RC3H1: variants seen among roughly 807,000 people sequenced by gnomAD.
RC3H1 encodes the protein roquin-1.
In RC3H1, 50 loss-of-function variants were observed where a neutral mutation model predicts 138.2. The ratio of observed to expected loss-of-function variants is 0.36; its 90% confidence interval spans 0.29 to 0.46. RC3H1 has a LOEUF of 0.46. Ranked by LOEUF, RC3H1 falls within the 20% of genes least tolerant of loss-of-function variation. The pLI, the probability that RC3H1 is intolerant of heterozygous loss-of-function variation, is 1.00. For synonymous variants in RC3H1, 462 were observed against 489.1 expected, an observed-to-expected ratio of 0.94 and a Z score of 0.73; for missense variants, 1,031 against 1,388.1, an observed-to-expected ratio of 0.74 and a Z score of 4.09.
rs1658390472 is a variant in RC3H1 at position 173,931,820 on chromosome 1, C to T, written c.*6901G>A. ...CATTCCAACCTATTTGTCTTCACTT[C>T]TCTTTTTAAAGTTGGAAACACTTGG... On this transcript the variant is annotated 3_prime_UTR_variant, in exon 20 of 20. Coordinates refer to ENST00000367696, the MANE Select transcript of RC3H1 (RefSeq NM_172071.4). 6.6e-6 allele frequency: 1 copy of T among 152,074 alleles called. No homozygotes were observed. The highest frequency in any genetic ancestry group is 2.1e-4 in the South Asian group (1 of 4,832). 9.4% of individuals were successfully genotyped at this position (152,074 alleles called of 1,614,324 possible).
chr1:173,993,006 A>G lies in RC3H1; in HGVS notation c.-21T>C. On this transcript the variant is annotated 5_prime_UTR_variant, in exon 2 of 20. Transcript: ENST00000367696. ...GGCATTGCTTCTGGAGTTACAATTCACGAACACAAACACACACACAAATCT... is the reference window on the plus strand; with the variant it reads ...GGCATTGCTTCTGGAGTTACAATTCGCGAACACAAACACACACACAAATCT... 22 of 1,500,738 alleles carry G rather than the reference A, an allele frequency of 1.5e-5. No homozygotes were observed. The highest frequency in any genetic ancestry group is 2.0e-5 in the Non-Finnish European group (22 of 1,077,330). 93.0% of individuals were successfully genotyped at this position (1,500,738 alleles called of 1,614,324 possible). A position where few individuals can be genotyped will look rare whatever the true frequency, so the allele number is the denominator to read the frequency against.
At position 173,932,414 on chromosome 1, in the gene RC3H1, T is replaced by C. The variant is rs1184874541; in HGVS notation, c.*6307A>G. On this transcript the variant is annotated 3_prime_UTR_variant, in exon 20 of 20. Coordinates refer to ENST00000367696, the MANE Select transcript of RC3H1 (RefSeq NM_172071.4). ...GAAGAGGAATCTCAAAACTGGAAAA[T>C]GTTTAAGTGGGTGAAAGGTTTTGTT... is the stretch of plus-strand genomic sequence containing the variant. 6.6e-6 allele frequency: 1 copy of C among 151,872 alleles called. No homozygotes were observed. The highest frequency in any genetic ancestry group is 6.6e-5 in the Admixed American group (1 of 15,252). 9.4% of individuals were successfully genotyped at this position (151,872 alleles called of 1,614,324 possible).
chr1:173,973,936 G>C (rs1660467374), intron 7 of RC3H1, among the ~76,000 whole-genome samples: 1 of 152,168 alleles, frequency 6.6e-6, no homozygotes, highest in Non-Finnish European at 1.5e-5. Context: ...AAGGAGAAGA[G>C]CCAGATAATA....
chr1:173,993,223 C>A, intron 1 of RC3H1, 88 bp from the exon 2 acceptor site: 1 of 495,556 alleles, frequency 2.0e-6, no homozygotes, highest in Non-Finnish European at 3.6e-6. Context: ...TCTTATTCCA[C>A]AACTTTTTAT....
intron 19 of RC3H1, 82 bp from the exon 20 acceptor site, chr1:173,938,953 A>T: frequency 9.6e-7 from 1 of 1,047,092 alleles, no homozygotes; most frequent in East Asian, 2.7e-5. Context: ...ATAATTTAGC[A>T]TGATTGAAAA....
At chr1:173,968,199 T>C (rs1660203965) in intron 9 of RC3H1, among the ~76,000 whole-genome samples, 1 of 152,198 alleles carries the variant, frequency 6.6e-6, no homozygotes, top group Non-Finnish European at 1.5e-5. Flanking sequence ...GGTAAATAGT[T>C]ATTAGTCTAG....
At chr1:173,982,531 T>C (rs1235911674) in intron 5 of RC3H1, among the ~76,000 whole-genome samples, 196 bp downstream of exon 5, 2 of 152,166 alleles carry the variant, frequency 1.3e-5, no homozygotes, top group Admixed American at 6.6e-5. Flanking sequence ...TTGTTCAATA[T>C]TGAACATACA....
chr1:174,001,844 C>CTA (rs1254311684), intron 1 of RC3H1, among the ~76,000 whole-genome samples: 1 of 152,124 alleles, frequency 6.6e-6, no homozygotes, highest in Non-Finnish European at 1.5e-5. Flanking sequence ...ATTACATATA[C>CTA]TATACTATCA....
At chr1:174,013,622 A>G (rs1180254665) in intron 1 of RC3H1, among the ~76,000 whole-genome samples, 2 of 151,884 alleles carry the variant, frequency 1.3e-5, no homozygotes, top group Admixed American at 1.3e-4. Flanking sequence ...TTGTATTTTT[A>G]GTAGAGACAG....
rs199866592 is a variant in RC3H1, at chr1:173,964,914, G to A, written c.1541C>T (p.Pro514Leu). Residue 514 changes from proline (P) to leucine (L), a missense_variant, in exon 10 of 20, where the codon CCC becomes CTC. By Grantham distance (98) the Pro-to-Leu change is moderately conservative. Transcript: ENST00000367696. ...VTQLIPRGTD[P>L]SYDSSLKPGK... ...TGGTTTCAGACTAGAATCATAGCTGGGGTCTGTCCCTCGCGGAATAAGCTG... is the reference window on the plus strand; with the variant it reads ...TGGTTTCAGACTAGAATCATAGCTGAGGTCTGTCCCTCGCGGAATAAGCTG... 6.2e-7 allele frequency: 1 copy of A among 1,614,094 alleles called. No homozygotes were observed. Among genetic ancestry groups the A allele is most frequent in the East Asian group, 2.2e-5 (1 of 44,882 alleles).
intron 1 of RC3H1, among the ~76,000 whole-genome samples, chr1:174,006,566 A>G (rs529100737): frequency 6.6e-6 from 1 of 152,210 alleles, no homozygotes; most frequent in African/African-American, 2.4e-5. Context: ...CATGCCTTCC[A>G]ACTTTGAGCA....
In RC3H1 at chr1:173,934,755, T is replaced by C. The variant is rs937180718; in HGVS notation, c.*3966A>G. On this transcript the variant is annotated 3_prime_UTR_variant, in exon 20 of 20. Coordinates refer to ENST00000367696, the MANE Select transcript of RC3H1 (RefSeq NM_172071.4). ...TGCTCTGTTTTGAGGCAGCAAACTG[T>C]CACTGTTGCAGATTGGGGAGGGCAG... 6.6e-6 allele frequency: 1 copy of C among 152,078 alleles called. No homozygotes were observed. Among genetic ancestry groups the C allele is most frequent in the Non-Finnish European group, 1.5e-5 (1 of 68,012 alleles). 9.4% of individuals were successfully genotyped at this position (152,078 alleles called of 1,614,324 possible).
At chr1:173,956,397 T>C (rs1156414346) in intron 13 of RC3H1, among the ~76,000 whole-genome samples, 1 of 152,054 alleles carries the variant, frequency 6.6e-6, no homozygotes, top group Non-Finnish European at 1.5e-5. Flanking sequence ...ATATTGTATA[T>C]ATGTATTGAA....
In RC3H1 at chr1:173,962,027, G is replaced by A. The variant is rs1424682303; in HGVS notation, c.1900C>T (p.Pro634Ser). Residue 634 changes from proline to serine, a missense_variant, in exon 12 of 20, where the codon CCT (proline) becomes TCT (serine). Pro to Ser is a moderately conservative substitution (Grantham distance 74). Transcript: ENST00000367696. ...FVRPPPSAPE[P>S]APPYLDHYPP... ...TAATGATCCAAGTAGGGAGGAGCAG[G>A]TTCAGGAGCAGATGGTGGAGGTCGG... The A allele has an allele frequency of 1.2e-6, 2 of 1,614,092 alleles. No homozygotes were observed. The highest frequency in any genetic ancestry group is 1.7e-5 in the Admixed American group (1 of 60,018).
intron 1 of RC3H1, among the ~76,000 whole-genome samples, chr1:174,017,435 G>T (rs1661880227): frequency 6.6e-6 from 1 of 152,116 alleles, no homozygotes; most frequent in African/African-American, 2.4e-5. Flanking sequence ...GAATTAGGTG[G>T]TTTTTTATTC....
rs759523897 is a variant in RC3H1 at position 173,943,586 on chromosome 1, C to T, written c.2991G>A (p.Arg997=). The change falls in exon 18 of 20, where the codon AGG becomes AGA. Residue 997 remains arginine (R), a synonymous_variant. Coordinates refer to ENST00000367696, the MANE Select transcript of RC3H1 (RefSeq NM_172071.4). ...ACTGGCCTGCCAGGGTGTTTGCCTC[C>T]CTCTGCAACACCAGCCTGTTACTAA... ...EAVSNRLVLQ[R]EANTLAGQSQ... 2 of 1,613,666 alleles carry T rather than the reference C, an allele frequency of 1.2e-6. No individual in the cohort carries two copies. Among genetic ancestry groups the T allele is most frequent in the Non-Finnish European group, 8.5e-7 (1 of 1,179,814 alleles).
At chr1:173,939,420 A>C (rs575205515) in intron 19 of RC3H1, among the ~76,000 whole-genome samples, 6 of 151,056 alleles carry the variant, frequency 4.0e-5, no homozygotes, top group African/African-American at 1.5e-4. Context: ...GTAAAAACCT[A>C]CTAGGGAGGC....
chr1:173,991,098 T>C (rs1661269241), intron 2 of RC3H1, among the ~76,000 whole-genome samples: 1 of 152,134 alleles, frequency 6.6e-6, no homozygotes, highest in Non-Finnish European at 1.5e-5. Context: ...GGTATGGTAG[T>C]GCACACCTGT....
rs1167505036 is a variant in RC3H1, at chr1:173,938,535, T to C, written c.*186A>G. On this transcript the variant is annotated 3_prime_UTR_variant, in exon 20 of 20. Coordinates refer to ENST00000367696, the MANE Select transcript of RC3H1 (RefSeq NM_172071.4). ...TTTCTTTTTCTTTAAATTAAAAAAATGCATTAATGTGAACTATGTGCAGGG... is the reference window on the plus strand; with the variant it reads ...TTTCTTTTTCTTTAAATTAAAAAAACGCATTAATGTGAACTATGTGCAGGG... 1 of 415,974 alleles carries C rather than the reference T, an allele frequency of 2.4e-6. No homozygotes were observed. The highest frequency in any genetic ancestry group is 2.0e-5 in the African/African-American group (1 of 49,018). 25.8% of individuals were successfully genotyped at this position (415,974 alleles called of 1,614,324 possible).
Sources: gnomAD v4.1 joint callset for allele counts (sites outside exome capture counted in the v4.1 genomes callset) on GRCh38, gnomAD v4.1.1 for gene constraint, MANE v1.5 for transcripts, NCBI Gene and HGNC (gene_info 2026-07-23, HGNC 2026-07-21) for gene names.